Variants in LRRC4C observed in about 807,000 individuals in gnomAD.
LRRC4C encodes leucine-rich repeat-containing protein 4C.
LRRC4C carries 5 observed loss-of-function variants against 33.6 expected under a neutral mutation model. The ratio of observed to expected loss-of-function variants is 0.15; its 90% CI spans 0.08 to 0.31. LRRC4C has a LOEUF of 0.31. Among genes scored for constraint, LRRC4C ranks in the 10% least tolerant of loss-of-function variants. The probability of loss-of-function intolerance (pLI) is 1.00; values close to 1 mark genes in which losing one functional copy is unlikely to be tolerated. For synonymous variants in LRRC4C, 329 were observed against 302.0 expected, an observed-to-expected ratio of 1.09 and a Z score of -0.93; for missense variants, 560 against 796.7, an observed-to-expected ratio of 0.70 and a Z score of 3.58.
rs191567681 is a variant in LRRC4C, at chr11:40,754,201, A to G, written c.-406-105923T>C. Among the ~76,000 whole-genome samples, 237 of 152,070 alleles carry G rather than the reference A, an allele frequency of 1.6e-3. 1 individual carries two copies. The highest frequency in any genetic ancestry group is 2.5e-3 in the Non-Finnish European group (169 of 67,984). ...TTTTGTTCACTGATGTTTCATCACC[A>G]TTGGCTATAAAGGACATGCTGGCTA... On this transcript the variant is annotated intron_variant, in intron 2 of 6. Transcript: ENST00000528697.
At chr11:40,298,787 G>A (rs995547429) in intron 4 of LRRC4C, among the ~76,000 whole-genome samples, 1 of 152,156 alleles carries the variant, frequency 6.6e-6, no homozygotes, top group African/African-American at 2.4e-5. Context: ...AGGGGAAGAA[G>A]CATGTCTTAC....
At chr11:41,273,395 T>A (rs188244875) in intron 1 of LRRC4C, among the ~76,000 whole-genome samples, 1 of 152,164 alleles carries the variant, frequency 6.6e-6, no homozygotes, top group African/African-American at 2.4e-5. Flanking sequence ...GTGGATACAA[T>A]GGCATATTAT....
intron 2 of LRRC4C, among the ~76,000 whole-genome samples, chr11:40,696,095 GTATATA>G (rs150296016): frequency 1.4e-5 from 2 of 139,220 alleles, no homozygotes; most frequent in Admixed American, 1.5e-4. Flanking sequence ...ATGAGTGTGT[GTATATA>G]TATATATATA....
At chr11:40,621,684 T>G (rs1001610830) in intron 3 of LRRC4C, among the ~76,000 whole-genome samples, 1 of 151,834 alleles carries the variant, frequency 6.6e-6, no homozygotes, top group Non-Finnish European at 1.5e-5. Context: ...TAACTCTTTT[T>G]TACTATCCTC....
At chr11:40,794,558 G>A (rs1014859167) in intron 2 of LRRC4C, among the ~76,000 whole-genome samples, 5 of 152,124 alleles carry the variant, frequency 3.3e-5, no homozygotes, top group African/African-American at 1.2e-4. Flanking sequence ...GGATACAATG[G>A]AGGGTAGAGA....
At chr11:40,560,283 T>C in intron 3 of LRRC4C, among the ~76,000 whole-genome samples, 1 of 151,778 alleles carries the variant, frequency 6.6e-6, no homozygotes, top group Non-Finnish European at 1.5e-5. Flanking sequence ...GATGCTGATG[T>C]ACACAGCACC....
chr11:40,596,268 T>G (rs1328614758), intron 3 of LRRC4C, among the ~76,000 whole-genome samples: 2 of 152,190 alleles, frequency 1.3e-5, no homozygotes, highest in Non-Finnish European at 2.9e-5. Flanking sequence ...AATTAGCTTG[T>G]TTATTAAAAA....
intron 5 of LRRC4C, among the ~76,000 whole-genome samples, chr11:40,182,960 T>G (rs1429745003): frequency 6.6e-6 from 1 of 152,150 alleles, no homozygotes; most frequent in Non-Finnish European, 1.5e-5. Context: ...TGGGGCATAG[T>G]GAGGTTAGGA....
intron 1 of LRRC4C, among the ~76,000 whole-genome samples, chr11:41,237,334 T>C (rs1948067241): frequency 6.6e-6 from 1 of 152,172 alleles, no homozygotes; most frequent in Non-Finnish European, 1.5e-5. Context: ...CAGGAATTAA[T>C]GCCCAGGTAT....
At chr11:40,937,877 G>C (rs1480801208) in intron 1 of LRRC4C, among the ~76,000 whole-genome samples, 1 of 151,856 alleles carries the variant, frequency 6.6e-6, no homozygotes, top group African/African-American at 2.4e-5. Context: ...GGCTTGTCTT[G>C]AACTCATGTG....
intron 1 of LRRC4C, among the ~76,000 whole-genome samples, chr11:41,082,128 C>T (rs1939621150): frequency 6.6e-6 from 1 of 152,044 alleles, no homozygotes; most frequent in African/African-American, 2.4e-5. Flanking sequence ...GATGTGTGCA[C>T]CTTAAATCAG....
At chr11:40,302,587 T>C (rs1218693919) in intron 4 of LRRC4C, among the ~76,000 whole-genome samples, 3 of 152,202 alleles carry the variant, frequency 2.0e-5, no homozygotes, top group Non-Finnish European at 4.4e-5. Flanking sequence ...AGCAGTTCCC[T>C]TCTCCAGAAA....
At chr11:40,425,491 T>C (rs1343491384) in intron 3 of LRRC4C, among the ~76,000 whole-genome samples, 2 of 152,218 alleles carry the variant, frequency 1.3e-5, no homozygotes, top group African/African-American at 4.8e-5. Context: ...CTGCCTCTTA[T>C]GATCTCAGCT....
At chr11:41,168,056 T>C (rs1293917538) in intron 1 of LRRC4C, among the ~76,000 whole-genome samples, 1 of 152,154 alleles carries the variant, frequency 6.6e-6, no homozygotes, top group African/African-American at 2.4e-5. Flanking sequence ...ATAATATGTT[T>C]ACATTTTAGC....
intron 5 of LRRC4C, among the ~76,000 whole-genome samples, chr11:40,156,712 G>A (rs1425750606): frequency 2.0e-5 from 3 of 151,658 alleles, no homozygotes; most frequent in African/African-American, 7.3e-5. Flanking sequence ...TAACCAAGGA[G>A]TCAAAAGACC....
intron 4 of LRRC4C, among the ~76,000 whole-genome samples, chr11:40,264,245 C>T (rs1200211043): frequency 6.6e-6 from 1 of 152,188 alleles, no homozygotes; most frequent in African/African-American, 2.4e-5. Flanking sequence ...AGAAACGCTA[C>T]CTCCAGTGCA....
intron 3 of LRRC4C, among the ~76,000 whole-genome samples, chr11:40,339,654 C>T (rs1211995767): frequency 6.6e-6 from 1 of 152,104 alleles, no homozygotes; most frequent in Non-Finnish European, 1.5e-5. Flanking sequence ...TAAACAAGGT[C>T]ACCAGTGATT....
At chr11:41,257,974 AT>A (rs1451217296) in intron 1 of LRRC4C, among the ~76,000 whole-genome samples, 3 of 152,012 alleles carry the variant, frequency 2.0e-5, no homozygotes, top group African/African-American at 4.8e-5. Flanking sequence ...GCGTGCTTAA[AT>A]TTTTTTATTA....
intron 3 of LRRC4C, among the ~76,000 whole-genome samples, chr11:40,346,521 G>C (rs1947137422): frequency 1.3e-5 from 2 of 152,142 alleles, no homozygotes; most frequent in African/African-American, 4.8e-5. Context: ...GACACACAGA[G>C]GGGAACAACA....
Sources: gnomAD v4.1 joint callset for allele counts (sites outside exome capture counted in the v4.1 genomes callset) on GRCh38, gnomAD v4.1.1 for gene constraint, MANE v1.5 for transcripts, NCBI Gene and HGNC (gene_info 2026-07-23, HGNC 2026-07-21) for gene names.